Variants in SLC2A13 observed in about 807,000 individuals in gnomAD.
The protein encoded by SLC2A13 is proton myo-inositol cotransporter.
Under a neutral mutation model 64.4 loss-of-function variants are expected in SLC2A13, and 32 were observed. The observed-to-expected ratio is 0.50, with a 90% CI of 0.37 to 0.67. The LOEUF is 0.67. SLC2A13 is among the 30% of genes least tolerant of loss of function. SLC2A13 has a pLI of 0.00. For missense variants in SLC2A13, 743 were observed against 829.2 expected, an observed-to-expected ratio of 0.90 and a Z score of 1.28; for synonymous variants, 338 against 327.1, an observed-to-expected ratio of 1.03 and a Z score of -0.36.
At chr12:39,778,505 C>T (rs754175654) in intron 7 of SLC2A13, among the ~76,000 whole-genome samples, 10 of 152,036 alleles carry the variant, frequency 6.6e-5, no homozygotes, top group Non-Finnish European at 1.2e-4. Context: ...ACTCATAACC[C>T]GGTTCCAAAG....
intron 1 of SLC2A13, among the ~76,000 whole-genome samples, chr12:40,050,621 C>T (rs1197282389): frequency 1.3e-5 from 2 of 152,124 alleles, no homozygotes; most frequent in African/African-American, 4.8e-5. Flanking sequence ...TCAGGATATC[C>T]CTTTAAAGGG....
At chr12:40,093,747 C>G (rs1565624882) in intron 1 of SLC2A13, among the ~76,000 whole-genome samples, 1 of 151,948 alleles carries the variant, frequency 6.6e-6, no homozygotes, top group Non-Finnish European at 1.5e-5. Flanking sequence ...CTATTGTGTT[C>G]CTAGAGGCGG....
At chr12:39,830,276 C>A (rs1014482060) in intron 6 of SLC2A13, 48 bp from the exon 7 acceptor site, 2 of 1,593,012 alleles carry the variant, frequency 1.3e-6, no homozygotes, top group Non-Finnish European at 8.6e-7. Context: ...ACAACTGGTG[C>A]TCACCATATA....
chr12:39,892,728 A>G lies in SLC2A13; in HGVS notation c.1035-20767T>C, dbSNP rs185904139. The stretch of plus-strand genomic sequence containing the variant: ...TCAATTTTCTTTAAAAATAAACAAT[A>G]TCAAATTTGTTCCAAAGTAGTGACA... On this transcript the variant is annotated intron_variant, in intron 4 of 9. Transcript: ENST00000280871. Among the ~76,000 whole-genome samples, 7 of 152,322 alleles carry G rather than the reference A, an allele frequency of 4.6e-5. No individual in the cohort carries two copies. The East Asian group carries it at 1.4e-3, about 29-fold the overall frequency.
intron 6 of SLC2A13, among the ~76,000 whole-genome samples, chr12:39,831,203 A>G (rs1251560364): frequency 6.6e-6 from 1 of 152,172 alleles, no homozygotes; most frequent in Non-Finnish European, 1.5e-5. Flanking sequence ...ACGACAATGT[A>G]ATGGAAACTG....
At chr12:39,899,409 T>C (rs1479748520) in intron 4 of SLC2A13, among the ~76,000 whole-genome samples, 1 of 152,202 alleles carries the variant, frequency 6.6e-6, no homozygotes. Flanking sequence ...CTATCAATTT[T>C]GCTGATCCTT....
intron 4 of SLC2A13, among the ~76,000 whole-genome samples, chr12:39,929,552 A>T (rs117068956): frequency 1.3e-5 from 2 of 149,554 alleles, no homozygotes; most frequent in Non-Finnish European, 3.0e-5. Flanking sequence ...GTCCATCTCA[A>T]AAAAAAAAAG....
intron 4 of SLC2A13, among the ~76,000 whole-genome samples, chr12:39,926,767 CACCA>C (rs1455787121): frequency 6.6e-6 from 1 of 152,142 alleles, no homozygotes; most frequent in Non-Finnish European, 1.5e-5. Context: ...AGGCATGAGC[CACCA>C]TGCTAGGCGA....
chr12:39,829,012 A>C (rs1328164399), intron 7 of SLC2A13, among the ~76,000 whole-genome samples: 1 of 152,170 alleles, frequency 6.6e-6, no homozygotes, highest in Admixed American at 6.5e-5. Flanking sequence ...TATACTTTAT[A>C]GCTCCTATGA....
chr12:39,971,051 T>C (rs1174817987), intron 3 of SLC2A13, among the ~76,000 whole-genome samples: 1 of 152,180 alleles, frequency 6.6e-6, no homozygotes, highest in African/African-American at 2.4e-5. Flanking sequence ...CTTCCCCTAG[T>C]GTTGATTTTC....
intron 1 of SLC2A13, among the ~76,000 whole-genome samples, chr12:40,058,063 AG>A (rs1274031883): frequency 6.7e-6 from 1 of 150,326 alleles, no homozygotes; most frequent in African/African-American, 2.4e-5. Flanking sequence ...ATAGATAGAT[AG>A]ATAGATAGAT....
At chr12:39,806,147 G>A (rs879373781) in intron 7 of SLC2A13, among the ~76,000 whole-genome samples, 7 of 151,994 alleles carry the variant, frequency 4.6e-5, no homozygotes, top group South Asian at 2.1e-4. Context: ...CCGAGAACAC[G>A]ATTTCACAAA....
intron 4 of SLC2A13, among the ~76,000 whole-genome samples, chr12:39,919,704 A>G (rs754919464): frequency 2.0e-5 from 3 of 152,094 alleles, no homozygotes; most frequent in Non-Finnish European, 4.4e-5. Flanking sequence ...GGTACTGACA[A>G]TATTTTATAA....
intron 7 of SLC2A13, among the ~76,000 whole-genome samples, chr12:39,803,667 G>A (rs934073066): frequency 1.3e-5 from 2 of 152,106 alleles, no homozygotes; most frequent in Non-Finnish European, 2.9e-5. Context: ...TGAACTGGAT[G>A]AATGATCTGA....
At chr12:40,086,894 A>G (rs887412636) in intron 1 of SLC2A13, among the ~76,000 whole-genome samples, 1 of 152,228 alleles carries the variant, frequency 6.6e-6, no homozygotes, top group South Asian at 2.1e-4. Context: ...ACCAACGGCC[A>G]GTCCCAGGAC....
intron 3 of SLC2A13, among the ~76,000 whole-genome samples, chr12:39,989,209 A>G (rs1947088662): frequency 6.6e-6 from 1 of 152,102 alleles, no homozygotes; most frequent in South Asian, 2.1e-4. Context: ...CTTTACCCAC[A>G]CAGACTCAGA....
chr12:39,986,902 G>A (rs1278400729), intron 3 of SLC2A13, among the ~76,000 whole-genome samples: 1 of 152,110 alleles, frequency 6.6e-6, no homozygotes, highest in South Asian at 2.1e-4. Context: ...TTATGACTGT[G>A]TACTGAGTTG....
intron 3 of SLC2A13, among the ~76,000 whole-genome samples, chr12:39,971,461 T>C (rs949917534): frequency 6.6e-6 from 1 of 152,192 alleles, no homozygotes; most frequent in Non-Finnish European, 1.5e-5. Flanking sequence ...TGGCAAAAAG[T>C]ACAAGAGTTT....
chr12:40,060,497 T>C (rs1220858557), intron 1 of SLC2A13, among the ~76,000 whole-genome samples: 1 of 152,162 alleles, frequency 6.6e-6, no homozygotes, highest in Non-Finnish European at 1.5e-5. Context: ...ACTGGGTTGT[T>C]TTTTTGCTTT....
Sources: allele counts gnomAD v4.1 joint callset (sites outside exome capture counted in the v4.1 genomes callset), GRCh38; gene constraint gnomAD v4.1.1; transcripts MANE v1.5; gene names NCBI Gene and HGNC (gene_info 2026-07-23, HGNC 2026-07-21).